Variants in PIK3CD observed in about 807,000 individuals in gnomAD.
PIK3CD encodes phosphatidylinositol 4,5-bisphosphate 3-kinase catalytic subunit delta isoform.
In PIK3CD, 20 loss-of-function variants were observed where a neutral mutation model predicts 122.9. That is an observed-to-expected ratio of 0.16 (90% confidence interval 0.11 to 0.24). PIK3CD has a LOEUF of 0.24. PIK3CD is among the 10% of genes least tolerant of loss of function. The probability of loss-of-function intolerance (pLI) is 1.00; values close to 1 mark genes in which losing one functional copy is unlikely to be tolerated. For synonymous variants in PIK3CD, 596 were observed against 593.4 expected (o/e 1.00, Z -0.06); for missense variants, 787 against 1,406.3 (o/e 0.56, Z 7.04).
rs1025562591 is a variant in PIK3CD, at chr1:9,716,733, T to C, written c.780+114T>C. The C allele has an allele frequency of 2.4e-6, 3 of 1,245,636 alleles. No homozygotes were observed. The African/African-American group carries it at 4.5e-5, about 19-fold the overall frequency. The allele number at this position is 1,245,636 out of a possible 1,614,324, so 77.2% of individuals were successfully genotyped here. ...CCTTGAGCCTGCCGAGCCAGGCCTTTGGGTCACCGCCAGAGCATCCCCTGG... is the reference window on the plus strand; with the variant it reads ...CCTTGAGCCTGCCGAGCCAGGCCTTCGGGTCACCGCCAGAGCATCCCCTGG... On this transcript the variant is annotated intron_variant, in intron 6 of 23. Coordinates refer to ENST00000377346, the MANE Select transcript of PIK3CD (RefSeq NM_005026.5).
At chr1:9,679,215 G>A (rs917488321) in intron 1 of PIK3CD, among the ~76,000 whole-genome samples, 32 of 151,914 alleles carry the variant, frequency 2.1e-4, no homozygotes, top group Non-Finnish European at 2.2e-4. Context: ...TTACAGGCAC[G>A]TGCCACCATG....
chr1:9,672,048 G>C (rs554059373), intron 1 of PIK3CD, among the ~76,000 whole-genome samples: 14 of 152,160 alleles, frequency 9.2e-5, no homozygotes, highest in Non-Finnish European at 2.1e-4. Context: ...TGGCCGGGCA[G>C]CTGGCAGTAA....
At position 9,721,234 on chromosome 1, in the gene PIK3CD, G is replaced by A. The variant is rs141159861; in HGVS notation, c.1797G>A (p.Ser599=). The A allele has an allele frequency of 2.2e-5, 36 of 1,613,222 alleles. No homozygotes were observed. Among genetic ancestry groups the A allele is most frequent in the Middle Eastern group, 3.3e-4 (2 of 6,080 alleles). ...ACGTAGGCTCCTTCGCCATCAAGTC[G>A]CTGCGGAAACTGACGTGAGTCCCAG... ...DCHVGSFAIK[S]LRKLTDDELF... Residue 599 remains serine (S), a synonymous_variant, in exon 14 of 24, where the codon TCG becomes TCA. Transcript: ENST00000377346.
At chr1:9,629,734 A>G in the PIK3CD span, among the ~76,000 whole-genome samples, 1,483 of 152,102 alleles carry the variant, frequency 9.8e-3, 26 homozygotes, top group African/African-American at 0.034. Flanking sequence ...CCCTCGCCAC[A>G]GGGTACTCGC....
intron 1 of PIK3CD, among the ~76,000 whole-genome samples, chr1:9,669,419 A>C (rs1237309641): frequency 1.3e-5 from 2 of 152,172 alleles, no homozygotes; most frequent in African/African-American, 4.8e-5. Flanking sequence ...AAACAGTCTC[A>C]AGAGGTCCTG....
intron 1 of PIK3CD, among the ~76,000 whole-genome samples, chr1:9,659,416 T>G (rs996733371): frequency 3.3e-5 from 5 of 152,210 alleles, no homozygotes; most frequent in African/African-American, 1.2e-4. Context: ...ATTTACCATC[T>G]TAAGCATTTC....
rs1188085902 is a variant in PIK3CD, at chr1:9,689,365, A to T, written c.-137-2102A>T. Among the ~76,000 whole-genome samples, 2 of 150,588 alleles carry T rather than the reference A, an allele frequency of 1.3e-5. No homozygotes were observed. The highest frequency in any genetic ancestry group is 3.0e-5 in the Non-Finnish European group (2 of 67,542). ...GGGTCGGGGAGGATTTGCAGCGTCCACTCCTCTCTCCGCCGCCCGTGTGAG... is the reference window on the plus strand; with the variant it reads ...GGGTCGGGGAGGATTTGCAGCGTCCTCTCCTCTCTCCGCCGCCCGTGTGAG... On this transcript the variant is annotated intron_variant, in intron 1 of 23. Transcript: ENST00000377346. This position sits in a 1 kb window ranked among gnomAD's most constrained non-coding sequence, Gnocchi z 6.1.
At chr1:9,651,376 C>T (rs913425593), upstream of PIK3CD, among the ~76,000 whole-genome samples, 1 of 152,188 alleles carries the variant, frequency 6.6e-6, no homozygotes, top group Admixed American at 6.5e-5. Flanking sequence ...CTGCAGGTTA[C>T]CCCCTCTTCT....
chr1:9,715,761 T>C lies in PIK3CD; in HGVS notation c.362T>C (p.Ile121Thr). The change falls in exon 4 of 24, where the codon ATC (isoleucine) becomes ACC (threonine). Residue 121 changes from isoleucine (I) to threonine (T), a missense_variant. Physicochemically the swap from Ile to Thr is moderately conservative, Grantham distance 89 (BLOSUM62 -1). This residue lies in a region of PIK3CD where 592 missense variants were observed against 920.6 expected (regional missense o/e 0.64). Coordinates refer to ENST00000377346, the MANE Select transcript of PIK3CD (RefSeq NM_005026.5). The surrounding 1 kb of genome is among the most constrained non-coding windows in gnomAD (Gnocchi z 4.1). ...ATCAACTCACAGATCAGCCTCCTCA[T>C]CGGCAAAGGTAGCTCTGCCGAGTGG... is the stretch of plus-strand genomic sequence containing the variant. The part of the protein sequence containing the change: ...KLINSQISLL[I>T]GKGLHEFDSL... 6.2e-7 allele frequency: 1 copy of C among 1,613,178 alleles called. No individual in the cohort carries two copies. Among genetic ancestry groups the C allele is most frequent in the South Asian group, 1.1e-5 (1 of 91,082 alleles).
the PIK3CD span, among the ~76,000 whole-genome samples, chr1:9,641,933 C>A: frequency 2.0e-5 from 3 of 152,118 alleles, no homozygotes; most frequent in Non-Finnish European, 4.4e-5. Context: ...TGATCCAGGG[C>A]AGCAGCTTTC....
At chr1:9,680,368 T>C (rs1645702886) in intron 1 of PIK3CD, among the ~76,000 whole-genome samples, 1 of 152,052 alleles carries the variant, frequency 6.6e-6, no homozygotes, top group African/African-American at 2.4e-5. Context: ...TCCAAGCACT[T>C]TGGGAGGCTG....
upstream of PIK3CD, among the ~76,000 whole-genome samples, chr1:9,650,268 AAAAATT>A (rs1644647539): frequency 6.6e-6 from 1 of 152,068 alleles, no homozygotes; most frequent in South Asian, 2.1e-4. Flanking sequence ...CTAAAAATAC[AAAAATT>A]AGCCAGGCAC....
rs371112902 is a variant in PIK3CD at position 9,721,123 on chromosome 1, C to T, written c.1690-4C>T. ...CCCCCAAGCCTGACCTCGGCTCCCC[C>T]CAGATGCTCTACCTGCTGTGCTCCT... On this transcript the variant is annotated splice_region_variant and splice_polypyrimidine_tract_variant and intron_variant, in intron 13 of 23. Coordinates refer to ENST00000377346, the MANE Select transcript of PIK3CD (RefSeq NM_005026.5). 16 of 1,610,510 alleles carry T rather than the reference C, an allele frequency of 9.9e-6. No individual in the cohort carries two copies. The Middle Eastern group carries it at 8.2e-4, about 83-fold the overall frequency.
rs1351397800 is a variant in PIK3CD, at chr1:9,715,879, C to T, written c.401C>T (p.Pro134Leu). ...GLHEFDSLCDPEVNDFRAKMC... is the reference protein window; with the variant it reads ...GLHEFDSLCDLEVNDFRAKMC... ...CACGAGTTTGACTCCTTGTGCGACCCAGAAGTGAACGACTTTCGCGCCAAG... is the reference window on the plus strand; with the variant it reads ...CACGAGTTTGACTCCTTGTGCGACCTAGAAGTGAACGACTTTCGCGCCAAG... The change falls in exon 5 of 24, where the codon CCA becomes CTA. Residue 134 changes from proline (P) to leucine (L), a missense_variant. By Grantham distance (98) the Pro-to-Leu change is moderately conservative. Transcript: ENST00000377346. The surrounding 1 kb of genome is among the most constrained non-coding windows in gnomAD (Gnocchi z 4.1). 5.0e-6 allele frequency: 8 copies of T among 1,612,518 alleles called. No homozygotes were observed. Among genetic ancestry groups the T allele is most frequent in the South Asian group, 1.1e-5 (1 of 91,072 alleles).
chr1:9,650,572 C>T (rs1428378170), upstream of PIK3CD, among the ~76,000 whole-genome samples: 9 of 151,354 alleles, frequency 5.9e-5, no homozygotes, highest in African/African-American at 1.2e-4. Context: ...TGCAGTGAGC[C>T]GAGATGGCAC....
At position 9,716,057 on chromosome 1, in the gene PIK3CD, C is replaced by G. The variant is rs772893560; in HGVS notation, c.579C>G (p.Asn193Lys). 6 of 1,612,466 alleles carry G rather than the reference C, an allele frequency of 3.7e-6. No individual in the cohort carries two copies. The highest frequency in any genetic ancestry group is 4.2e-6 in the Non-Finnish European group (5 of 1,179,894). Residue 193 changes from asparagine (N) to lysine (K), a missense_variant, in exon 5 of 24, where the codon AAC becomes AAG. This residue lies in a region of PIK3CD where 592 missense variants were observed against 920.6 expected (regional missense o/e 0.64). Transcript: ENST00000377346. ...LRLPNRALLV[N>K]VKFEGSEESF... ...TCCCGAACCGGGCCCTTCTGGTCAA[C>G]GTTAAGTTTGAGGGCAGCGAGGTGA...
chr1:9,676,001 G>A (rs1343071838), intron 1 of PIK3CD, among the ~76,000 whole-genome samples: 2 of 147,570 alleles, frequency 1.4e-5, no homozygotes, highest in East Asian at 2.0e-4. Context: ...GCACAGTCTC[G>A]GCCCACTGCA....
intron 1 of PIK3CD, among the ~76,000 whole-genome samples, chr1:9,674,079 T>C (rs1356314244): frequency 6.6e-6 from 1 of 152,060 alleles, no homozygotes; most frequent in Non-Finnish European, 1.5e-5. Flanking sequence ...CTGATTCTGC[T>C]AGGTAGGAGT....
chr1:9,627,327 A>C, the PIK3CD span, among the ~76,000 whole-genome samples: 1 of 152,228 alleles, frequency 6.6e-6, no homozygotes, highest in South Asian at 2.1e-4. Context: ...TGCCTCCTGC[A>C]GGGGTGGCGG....
Sources: gnomAD v4.1 joint callset for allele counts (sites outside exome capture counted in the v4.1 genomes callset) on GRCh38, gnomAD v4.1.1 for gene constraint, gnomAD v4.1.1 regional missense constraint, Gnocchi (gnomAD v3.1) non-coding constraint, MANE v1.5 for transcripts, NCBI Gene and HGNC (gene_info 2026-07-23, HGNC 2026-07-21) for gene names.